Variants in KRAS observed in about 807,000 individuals in gnomAD.
The protein encoded by KRAS is KRas proto-oncogene, GTPase, also known as GTPase KRas.
In KRAS, 1 loss-of-function variant was observed where a neutral mutation model predicts 21.0. That is an observed-to-expected ratio of 0.05 (90% confidence interval 0.02 to 0.23). The LOEUF (loss-of-function observed/expected upper bound fraction) is 0.23, where lower values mean the gene tolerates loss of function less well. Among genes scored for constraint, KRAS ranks in the 10% least tolerant of loss-of-function variants. The probability of loss-of-function intolerance (pLI) is 1.00; values close to 1 mark genes in which losing one functional copy is unlikely to be tolerated. For synonymous variants in KRAS, 67 were observed against 72.5 expected (o/e 0.92, Z 0.39); for missense variants, 107 against 221.8 (o/e 0.48, Z 3.29).
intron 4 of KRAS, among the ~76,000 whole-genome samples, chr12:25,223,588 T>C (rs559660649): frequency 1.3e-5 from 2 of 152,324 alleles, no homozygotes; most frequent in Admixed American, 6.5e-5. Flanking sequence ...ATTCAGTTTT[T>C]AATCCTCCCA....
intron 2 of KRAS, among the ~76,000 whole-genome samples, chr12:25,241,047 G>C (rs1951603563): frequency 1.3e-5 from 2 of 152,172 alleles, no homozygotes; most frequent in African/African-American, 4.8e-5. Flanking sequence ...AAGAAGCTCA[G>C]AGAGCCACAC....
chr12:25,209,575 C>T lies in KRAS; in HGVS notation c.*220G>A. ...AGGTATTCAGTTTCTTTTTCACAGGCATTGCTAGTTCAAAAACCAAAACTC... is the reference window on the plus strand; with the variant it reads ...AGGTATTCAGTTTCTTTTTCACAGGTATTGCTAGTTCAAAAACCAAAACTC... On this transcript the variant is annotated 3_prime_UTR_variant, in exon 5 of 5. Transcript: ENST00000311936. 1 of 1,343,500 alleles carries T rather than the reference C, an allele frequency of 7.4e-7. No homozygotes were observed. Among genetic ancestry groups the T allele is most frequent in the South Asian group, 2.0e-5 (1 of 51,258 alleles). The allele number at this position is 1,343,500 out of a possible 1,614,324, so 83.2% of individuals were successfully genotyped here. A position where few individuals can be genotyped will look rare whatever the true frequency, so the allele number is the denominator to read the frequency against.
At chr12:25,212,657 T>C (rs1250731023) in intron 4 of KRAS, among the ~76,000 whole-genome samples, 2 of 152,262 alleles carry the variant, frequency 1.3e-5, no homozygotes, top group Non-Finnish European at 2.9e-5. Flanking sequence ...TTTTTTCTCA[T>C]ATGAGAACTA....
At chr12:25,214,501 C>T (rs1951232807) in intron 4 of KRAS, among the ~76,000 whole-genome samples, 1 of 151,998 alleles carries the variant, frequency 6.6e-6, no homozygotes. Flanking sequence ...AATTCTCCTG[C>T]CTCAGCCTCC....
chr12:25,228,233 G>C (rs941490373), intron 2 of KRAS, among the ~76,000 whole-genome samples: 1 of 131,622 alleles, frequency 7.6e-6, no homozygotes, highest in Admixed American at 8.8e-5. Flanking sequence ...GCTCAGGCTG[G>C]TTGAACTCCT....
intron 4 of KRAS, among the ~76,000 whole-genome samples, chr12:25,222,395 A>T (rs531424524): frequency 6.6e-6 from 1 of 152,264 alleles, no homozygotes; most frequent in African/African-American, 2.4e-5. Flanking sequence ...AGGAAGATTA[A>T]TAAGACTTTT....
chr12:25,206,841 G>A lies in KRAS; in HGVS notation c.*2954C>T, dbSNP rs1472701638. On this transcript the variant is annotated 3_prime_UTR_variant, in exon 5 of 5. Transcript: ENST00000311936. ...TTTAATTACTTATGCAGAGAAAACTGGAATATTACACATTTGGGTCAATAT... is the reference window on the plus strand; with the variant it reads ...TTTAATTACTTATGCAGAGAAAACTAGAATATTACACATTTGGGTCAATAT... The A allele has an allele frequency of 5.0e-6, 1 of 199,262 alleles. No individual in the cohort carries two copies. The highest frequency in any genetic ancestry group is 1.0e-5 in the Non-Finnish European group (1 of 96,724). 12.3% of individuals were successfully genotyped at this position (199,262 alleles called of 1,614,324 possible).
At chr12:25,213,197 C>A (rs1022627954) in intron 4 of KRAS, among the ~76,000 whole-genome samples, 1 of 152,146 alleles carries the variant, frequency 6.6e-6, no homozygotes, top group African/African-American at 2.4e-5. Context: ...GTGACATTCA[C>A]CTACAGTCAC....
rs1387750653 is a variant in KRAS, at chr12:25,209,978, T to C, written c.451-67A>G. 3.5e-6 allele frequency: 4 copies of C among 1,155,860 alleles called. No homozygotes were observed. The South Asian group carries it at 4.4e-5, about 13-fold the overall frequency. The allele number at this position is 1,155,860 out of a possible 1,614,324, so 71.6% of individuals were successfully genotyped here. A position where few individuals can be genotyped will look rare whatever the true frequency, so the allele number is the denominator to read the frequency against. On this transcript the variant is annotated intron_variant, in intron 4 of 4. Transcript: ENST00000311936. ...GGCTTCATGTGTACAGGTAACAAAT[T>C]TCATTAATGGAAAAAATATTAAGAA...
intron 2 of KRAS, among the ~76,000 whole-genome samples, chr12:25,242,796 A>C (rs988070605): frequency 6.6e-6 from 1 of 152,228 alleles, no homozygotes; most frequent in African/African-American, 2.4e-5. Context: ...ACAAGAGTAC[A>C]GTGCAAATTC....
intron 4 of KRAS, among the ~76,000 whole-genome samples, chr12:25,224,312 G>A (rs1198398713): frequency 6.6e-6 from 1 of 151,462 alleles, no homozygotes; most frequent in East Asian, 1.9e-4. Flanking sequence ...TGCCCCTGAA[G>A]ATCTTCCAGT....
chr12:25,220,031 C>G (rs904400143), intron 4 of KRAS, among the ~76,000 whole-genome samples: 4 of 152,146 alleles, frequency 2.6e-5, no homozygotes, highest in African/African-American at 7.2e-5. Context: ...CCCCAGAGAG[C>G]AGAAAAGCCG....
At chr12:25,241,176 T>A (rs1187130595) in intron 2 of KRAS, among the ~76,000 whole-genome samples, 1 of 152,210 alleles carries the variant, frequency 6.6e-6, no homozygotes, top group Non-Finnish European at 1.5e-5. Context: ...CCTACTTAGT[T>A]AGGCCTAACT....
intron 4 of KRAS, among the ~76,000 whole-genome samples, chr12:25,219,496 ATTTTG>A (rs1951294976): frequency 6.6e-6 from 1 of 152,192 alleles, no homozygotes; most frequent in South Asian, 2.1e-4. Flanking sequence ...TTACTAAGAG[ATTTTG>A]TTTTAAGTAA....
At chr12:25,229,147 G>T (rs1951433310) in intron 2 of KRAS, among the ~76,000 whole-genome samples, 1 of 152,074 alleles carries the variant, frequency 6.6e-6, no homozygotes, top group Non-Finnish European at 1.5e-5. Flanking sequence ...TTTTTTAAAG[G>T]TATTATATGG....
Position 25,231,822 on chromosome 12 carries a change from A to C in KRAS, c.112-4410T>G, listed in dbSNP as rs527372067. Reference sequence around the variant, plus strand: ...TTAGTCACTGAGCTATTTTCAGTGCAACTTGGTAAAAACTAAAGAAGAAAA... The same window carrying C: ...TTAGTCACTGAGCTATTTTCAGTGCCACTTGGTAAAAACTAAAGAAGAAAA... On this transcript the variant is annotated intron_variant, in intron 2 of 4. Transcript: ENST00000311936. 9.1e-4 allele frequency among the ~76,000 whole-genome samples: 138 copies of C among 152,328 alleles called. 3 individuals are homozygous for C. The South Asian group carries it at 0.026, about 29-fold the overall frequency.
chr12:25,240,179 A>T (rs1471151064), intron 2 of KRAS, among the ~76,000 whole-genome samples: 2 of 152,208 alleles, frequency 1.3e-5, no homozygotes, highest in Non-Finnish European at 2.9e-5. Context: ...TTTCTATATT[A>T]AGATCCCAAT....
chr12:25,206,150 T>C lies in KRAS; in HGVS notation c.*3645A>G, dbSNP rs529959450. On this transcript the variant is annotated 3_prime_UTR_variant, in exon 5 of 5. Coordinates refer to ENST00000311936, the MANE Select transcript of KRAS (RefSeq NM_004985.5). ...ATGGAATACAAATGAGATGAACTTG[T>C]GCAAACTGTAACTTAACATGCCCCA... The C allele has an allele frequency of 1.3e-3, 273 of 216,930 alleles. No homozygotes were observed. The highest frequency in any genetic ancestry group is 0.012 in the Middle Eastern group (8 of 692). The allele number at this position is 216,930 out of a possible 1,614,324, so 13.4% of individuals were successfully genotyped here.
chr12:25,246,751 C>T (rs969716914), intron 1 of KRAS, among the ~76,000 whole-genome samples: 6 of 151,730 alleles, frequency 4.0e-5, no homozygotes, highest in Admixed American at 3.9e-4. Context: ...CCCGTCTCTA[C>T]TAAAAATATA....
Sources: gnomAD v4.1 joint callset for allele counts (sites outside exome capture counted in the v4.1 genomes callset) on GRCh38, gnomAD v4.1.1 for gene constraint, MANE v1.5 for transcripts, NCBI Gene and HGNC (gene_info 2026-07-23, HGNC 2026-07-21) for gene names.